ADAP1: variants seen among roughly 807,000 people sequenced by gnomAD.
ADAP1 encodes arf-GAP with dual PH domain-containing protein 1.
In ADAP1, 31 loss-of-function variants were observed where a neutral mutation model predicts 54.9. The ratio of observed to expected loss-of-function variants is 0.56; its 90% CI spans 0.42 to 0.76. The LOEUF is 0.76. ADAP1 is among the 30% of genes least tolerant of loss of function. The pLI, the probability that ADAP1 is intolerant of heterozygous loss-of-function variation, is 0.00. For synonymous variants in ADAP1, 313 were observed against 202.6 expected, an observed-to-expected ratio of 1.55 and a Z score of -4.63; for missense variants, 535 against 512.4, an observed-to-expected ratio of 1.04 and a Z score of -0.42.
At chr7:934,734 G>T (rs572871800) in intron 2 of ADAP1, among the ~76,000 whole-genome samples, 2 of 152,328 alleles carry the variant, frequency 1.3e-5, no homozygotes, top group East Asian at 3.9e-4. Flanking sequence ...GCACGCCAGG[G>T]CTTCCTGGTT....
rs1042393870 is a variant in ADAP1, at chr7:945,004, C to A, written c.82+9392G>T. ...TGAAGGCACTGAAATAGAAGGTGGC[C>A]TTCTGATTTGAGTATGCTGAAGCTC... On this transcript the variant is annotated intron_variant, in intron 1 of 10. Coordinates refer to ENST00000265846, the MANE Select transcript of ADAP1 (RefSeq NM_006869.4). This position sits in a 1 kb window ranked among gnomAD's most constrained non-coding sequence, Gnocchi z 4.2. Among the ~76,000 whole-genome samples, 1 of 152,088 alleles carries A rather than the reference C, an allele frequency of 6.6e-6. No homozygotes were observed. Among genetic ancestry groups the A allele is most frequent in the African/African-American group, 2.4e-5 (1 of 41,406 alleles).
chr7:917,348 G>A (rs1305349432), intron 4 of ADAP1, among the ~76,000 whole-genome samples: 1 of 151,094 alleles, frequency 6.6e-6, no homozygotes, highest in Non-Finnish European at 1.5e-5. Flanking sequence ...ACGGGAGGGG[G>A]GCGCAGTGCC....
chr7:907,906 G>A (rs2128099412), intron 4 of ADAP1, among the ~76,000 whole-genome samples: 1 of 151,636 alleles, frequency 6.6e-6, no homozygotes, highest in African/African-American at 2.4e-5. Context: ...GCCGTCTGCC[G>A]AGGAGCCGTC....
rs1479050369 is a variant in ADAP1, at chr7:904,860, C to A, written c.501+200G>T. ...GGCCGCCCAGGCTCCTGGAAAGCCT[C>A]AGCTGCCCCACCCTGGGGGACGCTG... On this transcript the variant is annotated intron_variant, in intron 5 of 10. Coordinates refer to ENST00000265846, the MANE Select transcript of ADAP1 (RefSeq NM_006869.4). 4.6e-5 allele frequency among the ~76,000 whole-genome samples: 7 copies of A among 152,330 alleles called. No homozygotes were observed. In the East Asian group the frequency reaches 1.2e-3, roughly 25 times the overall value.
chr7:910,842 G>A (rs1170559043), intron 4 of ADAP1, among the ~76,000 whole-genome samples: 3 of 152,138 alleles, frequency 2.0e-5, no homozygotes, highest in Non-Finnish European at 4.4e-5. Flanking sequence ...CACCCCGGCC[G>A]TCCCTGTGAA....
chr7:904,954 G>T (rs1420117229), intron 5 of ADAP1, 106 bp downstream of exon 5: 3 of 959,194 alleles, frequency 3.1e-6, no homozygotes, highest in Non-Finnish European at 4.8e-6. Flanking sequence ...GGGGGGGGCA[G>T]CAGGGAGGGC....
intron 2 of ADAP1, among the ~76,000 whole-genome samples, chr7:931,999 G>A (rs758072539): frequency 2.6e-5 from 4 of 152,290 alleles, no homozygotes; most frequent in South Asian, 2.1e-4. Flanking sequence ...TGCAGCTCCC[G>A]CCCCACAGAG....
chr7:953,809 G>A (rs1343858489), intron 1 of ADAP1, among the ~76,000 whole-genome samples: 1 of 152,168 alleles, frequency 6.6e-6, no homozygotes, highest in Non-Finnish European at 1.5e-5. Context: ...GGCGGGCGGC[G>A]GGTGGACCAG....
rs1382735122 is a variant in ADAP1, at chr7:954,545, C to T, written c.-68G>A. 2 of 993,424 alleles carry T rather than the reference C, an allele frequency of 2.0e-6. No homozygotes were observed. Among genetic ancestry groups the T allele is most frequent in the Middle Eastern group, 5.1e-4 (1 of 1,974 alleles). The allele number at this position is 993,424 out of a possible 1,614,324, so 61.5% of individuals were successfully genotyped here. A position where few individuals can be genotyped will look rare whatever the true frequency, so the allele number is the denominator to read the frequency against. ...GGAGCGTCAGCCCGGCTCGCTAGGG[C>T]CCCGCGCAGGCCGCCCGCCGCCGCC... On this transcript the variant is annotated 5_prime_UTR_variant, in exon 1 of 11. Transcript: ENST00000265846.
In ADAP1 at chr7:898,705, C is replaced by A; in HGVS notation, c.*216G>T. The A allele has an allele frequency of 4.8e-6, 3 of 624,258 alleles. No homozygotes were observed. The highest frequency in any genetic ancestry group is 2.8e-5 in the East Asian group (1 of 35,760). 38.7% of individuals were successfully genotyped at this position (624,258 alleles called of 1,614,324 possible). A position where few individuals can be genotyped will look rare whatever the true frequency, so the allele number is the denominator to read the frequency against. On this transcript the variant is annotated 3_prime_UTR_variant, in exon 11 of 11. Transcript: ENST00000265846. Reference sequence around the variant, plus strand: ...CTGGGTGTGGTCAGCAGCAGCATGACGGGGTTAGAGATCAGGCCCAGGGCC... The same window carrying A: ...CTGGGTGTGGTCAGCAGCAGCATGAAGGGGTTAGAGATCAGGCCCAGGGCC...
intron 4 of ADAP1, among the ~76,000 whole-genome samples, chr7:918,950 T>TG (rs564476224): frequency 1.8e-4 from 16 of 91,398 alleles, no homozygotes; most frequent in African/African-American, 8.2e-4. Context: ...TGGGGACTGC[T>TG]GGGGGGCACA....
intron 5 of ADAP1, among the ~76,000 whole-genome samples, chr7:904,800 C>A (rs1235080296): frequency 6.6e-6 from 1 of 152,240 alleles, no homozygotes; most frequent in Admixed American, 6.5e-5. Flanking sequence ...TTCTCCCTCT[C>A]CCACGGCTGG....
intron 2 of ADAP1, chr7:935,102 C>T (rs957888738): frequency 1.0e-5 from 6 of 584,590 alleles, no homozygotes; most frequent in African/African-American, 5.6e-5. Flanking sequence ...TCCCAGGGCA[C>T]GGGAATCGGC....
chr7:954,159 C>T (rs1054490939), intron 1 of ADAP1, among the ~76,000 whole-genome samples: 4 of 148,692 alleles, frequency 2.7e-5, no homozygotes, highest in African/African-American at 9.8e-5. Context: ...GGGGGGTTTC[C>T]GGGGGTCCTG....
intron 4 of ADAP1, among the ~76,000 whole-genome samples, chr7:913,851 C>T (rs1459520740): frequency 1.3e-5 from 2 of 152,124 alleles, no homozygotes; most frequent in Non-Finnish European, 1.5e-5. Flanking sequence ...AGGAGAATGG[C>T]GGGAACCCGG....
intron 6 of ADAP1, among the ~76,000 whole-genome samples, chr7:903,555 C>T (rs927219613): frequency 2.0e-5 from 3 of 152,160 alleles, no homozygotes; most frequent in Admixed American, 6.5e-5. Context: ...GAGGCTGGGC[C>T]CACCGCTGCG....
chr7:902,709 C>G (rs1844882849), intron 6 of ADAP1, among the ~76,000 whole-genome samples: 1 of 151,814 alleles, frequency 6.6e-6, no homozygotes, highest in South Asian at 2.1e-4. Flanking sequence ...AATCCCTGAC[C>G]TCATGGAAAC....
Position 898,644 on chromosome 7 carries a change from G to GAAAA in ADAP1, c.*276_*277insTTTT, listed in dbSNP as rs1272846592. The GAAAA allele has an allele frequency of 1.5e-5, 8 of 520,126 alleles. No individual in the cohort carries two copies. The African/African-American group carries it at 1.5e-4, about 10-fold the overall frequency. The allele number at this position is 520,126 out of a possible 1,614,324, so 32.2% of individuals were successfully genotyped here. A position where few individuals can be genotyped will look rare whatever the true frequency, so the allele number is the denominator to read the frequency against. On this transcript the variant is annotated 3_prime_UTR_variant, in exon 11 of 11. Coordinates refer to ENST00000265846, the MANE Select transcript of ADAP1 (RefSeq NM_006869.4). ...CTCGGGAGCCAGACTGGGCCCTGGA[G>GAAAA]GAAAGGGGGCCCCGGGTCAGGGAGG...
intron 2 of ADAP1, among the ~76,000 whole-genome samples, chr7:929,146 G>A (rs1212831568): frequency 6.6e-6 from 1 of 152,066 alleles, no homozygotes; most frequent in Non-Finnish European, 1.5e-5. Context: ...ACAAAAATTA[G>A]CCGGGCGTGG....
Sources: allele counts gnomAD v4.1 joint callset (sites outside exome capture counted in the v4.1 genomes callset), GRCh38; gene constraint gnomAD v4.1.1; non-coding constraint Gnocchi (gnomAD v3.1); transcripts MANE v1.5; gene names NCBI Gene and HGNC (gene_info 2026-07-23, HGNC 2026-07-21).